PALS2: variants seen among roughly 807,000 people sequenced by gnomAD.
PALS2 encodes the protein protein associated with LIN7 2, MAGUK p55 family member, also known as protein PALS2.
A neutral mutation model predicts 61.6 loss-of-function variants in PALS2; 27 were observed. That is an observed-to-expected ratio of 0.44 (90% CI 0.32 to 0.60). PALS2 has a LOEUF of 0.60. Among genes scored for constraint, PALS2 ranks in the 20% least tolerant of loss-of-function variants. PALS2 has a pLI of 0.05. For missense variants in PALS2, 554 were observed against 639.4 expected, an observed-to-expected ratio of 0.87 and a Z score of 1.44; for synonymous variants, 236 against 218.6, an observed-to-expected ratio of 1.08 and a Z score of -0.70.
At chr7:24,612,024 A>G (rs1006412173) in intron 1 of PALS2, among the ~76,000 whole-genome samples, 7 of 152,030 alleles carry the variant, frequency 4.6e-5, no homozygotes, top group African/African-American at 1.7e-4. Context: ...TTTACGAGGT[A>G]GAATTTACTG....
intron 3 of PALS2, among the ~76,000 whole-genome samples, chr7:24,647,541 G>A (rs1785906128): frequency 6.6e-6 from 1 of 152,042 alleles, no homozygotes. Context: ...TCTAGCTTTT[G>A]GGTTGTAAAT....
chr7:24,687,249 T>A lies in PALS2; in HGVS notation c.1447-189T>A, dbSNP rs1788253248. Among the ~76,000 whole-genome samples the A allele has an allele frequency of 6.6e-6, 1 of 152,196 alleles. No individual in the cohort carries two copies. The highest frequency in any genetic ancestry group is 2.1e-4 in the South Asian group (1 of 4,828). The stretch of plus-strand genomic sequence containing the variant: ...TACTCATAAATGTAAACATGAGTGT[T>A]GTTGGAAAGAATAAGACATGAACAG... On this transcript the variant is annotated intron_variant, in intron 11 of 11. Transcript: ENST00000222644. The surrounding 1 kb of genome is among the most constrained non-coding windows in gnomAD (Gnocchi z 4.5).
intron 9 of PALS2, among the ~76,000 whole-genome samples, chr7:24,668,997 C>A (rs1428847144): frequency 6.6e-6 from 1 of 152,172 alleles, no homozygotes; most frequent in Non-Finnish European, 1.5e-5. Flanking sequence ...TTGGATTTTT[C>A]AGCCATTTTA....
chr7:24,616,100 G>A (rs1784284883), intron 1 of PALS2, among the ~76,000 whole-genome samples: 1 of 152,088 alleles, frequency 6.6e-6, no homozygotes, highest in Admixed American at 6.5e-5. Flanking sequence ...CCCATTGAAA[G>A]CTGAAAAGCT....
chr7:24,681,968 A>G (rs371606606), intron 11 of PALS2, among the ~76,000 whole-genome samples: 1 of 151,952 alleles, frequency 6.6e-6, no homozygotes, highest in East Asian at 1.9e-4. Flanking sequence ...TCAGTTCTGG[A>G]TTGGTTTTGA....
intron 9 of PALS2, among the ~76,000 whole-genome samples, chr7:24,672,764 A>AT (rs1787364840): frequency 6.6e-6 from 1 of 152,028 alleles, no homozygotes; most frequent in East Asian, 1.9e-4. Context: ...TTTTAGCCTT[A>AT]TTGACCTCAT....
At chr7:24,634,568 T>C (rs1785153927) in intron 2 of PALS2, among the ~76,000 whole-genome samples, 1 of 152,178 alleles carries the variant, frequency 6.6e-6, no homozygotes, top group Admixed American at 6.5e-5. Flanking sequence ...GTCCAAGTTG[T>C]CTTTTTGTCT....
At chr7:24,582,852 A>C (rs978120715) in intron 1 of PALS2, among the ~76,000 whole-genome samples, 2 of 150,424 alleles carry the variant, frequency 1.3e-5, no homozygotes, top group Non-Finnish European at 3.0e-5. Context: ...TTAATTTATT[A>C]AAGTTGCTTA....
At chr7:24,607,584 TATAC>T (rs70942814) in intron 1 of PALS2, among the ~76,000 whole-genome samples, 31,320 of 136,158 alleles carry the variant, frequency 0.23, 4,563 homozygotes, top group East Asian at 0.66. Flanking sequence ...TGTGTGTATA[TATAC>T]ATATATGTGT....
rs1258882005 is a variant in PALS2 at position 24,694,060 on chromosome 7, C to T, written c.*6446C>T. The T allele has an allele frequency of 6.6e-6, 1 of 151,558 alleles. No individual in the cohort carries two copies. The highest frequency in any genetic ancestry group is 2.4e-5 in the African/African-American group (1 of 41,246). 9.4% of individuals were successfully genotyped at this position (151,558 alleles called of 1,614,324 possible). A position where few individuals can be genotyped will look rare whatever the true frequency, so the allele number is the denominator to read the frequency against. The stretch of plus-strand genomic sequence containing the variant: ...AATCTGAAAATCAAAGCTGAACAAG[C>T]TGCTTAAAGTTTCTGATTAAGAAGT... On this transcript the variant is annotated 3_prime_UTR_variant, in exon 12 of 12. Coordinates refer to ENST00000222644, the MANE Select transcript of PALS2 (RefSeq NM_001303037.2).
intron 2 of PALS2, among the ~76,000 whole-genome samples, chr7:24,640,932 C>T (rs1277499002): frequency 5.2e-5 from 7 of 133,334 alleles, no homozygotes; most frequent in East Asian, 5.1e-4. Context: ...GGCGTGAACC[C>T]GGGAGGCGGA....
Position 24,692,818 on chromosome 7 carries a change from G to A in PALS2, c.*5204G>A, listed in dbSNP as rs1788535807. 6.6e-6 allele frequency: 1 copy of A among 152,072 alleles called. No homozygotes were observed. The highest frequency in any genetic ancestry group is 6.6e-5 in the Admixed American group (1 of 15,260). 9.4% of individuals were successfully genotyped at this position (152,072 alleles called of 1,614,324 possible). A position where few individuals can be genotyped will look rare whatever the true frequency, so the allele number is the denominator to read the frequency against. The stretch of plus-strand genomic sequence containing the variant: ...ACTGTCCTACTTTATCCTTATACCT[G>A]AAATCACTGCATACCTGAAATCACT... On this transcript the variant is annotated 3_prime_UTR_variant, in exon 12 of 12. Coordinates refer to ENST00000222644, the MANE Select transcript of PALS2 (RefSeq NM_001303037.2).
At chr7:24,656,076 A>C (rs1385953919) in intron 5 of PALS2, among the ~76,000 whole-genome samples, 2 of 152,210 alleles carry the variant, frequency 1.3e-5, no homozygotes, top group East Asian at 3.8e-4. Flanking sequence ...AGTGTCATGG[A>C]AAATCTCTTA....
rs1030185520 is a variant in PALS2 at position 24,618,140 on chromosome 7, G to C, written c.-2-5526G>C. 3.9e-5 allele frequency among the ~76,000 whole-genome samples: 6 copies of C among 152,160 alleles called. No individual in the cohort carries two copies. The highest frequency in any genetic ancestry group is 1.4e-4 in the African/African-American group (6 of 41,416). On this transcript the variant is annotated intron_variant, in intron 1 of 11. Transcript: ENST00000222644. The surrounding 1 kb of genome is among the most constrained non-coding windows in gnomAD (Gnocchi z 5.1). ...GCTGTTTTTCAGGCTCAGGACATGG[G>C]TGTGCAACTACCCGGCCACCATGGG...
rs1300409282 is a variant in PALS2 at position 24,693,383 on chromosome 7, G to A, written c.*5769G>A. 2 of 152,122 alleles carry A rather than the reference G, an allele frequency of 1.3e-5. No homozygotes were observed. Among genetic ancestry groups the A allele is most frequent in the Admixed American group, 1.3e-4 (2 of 15,268 alleles). 9.4% of individuals were successfully genotyped at this position (152,122 alleles called of 1,614,324 possible). A position where few individuals can be genotyped will look rare whatever the true frequency, so the allele number is the denominator to read the frequency against. ...TATCAAAGTAGCCTAGGAGCTTGGAGGAAGCCTAATTAACTAAAACAGGAA... is the reference window on the plus strand; with the variant it reads ...TATCAAAGTAGCCTAGGAGCTTGGAAGAAGCCTAATTAACTAAAACAGGAA... On this transcript the variant is annotated 3_prime_UTR_variant, in exon 12 of 12. Coordinates refer to ENST00000222644, the MANE Select transcript of PALS2 (RefSeq NM_001303037.2).
intron 1 of PALS2, among the ~76,000 whole-genome samples, chr7:24,600,006 T>C (rs903632927): frequency 1.3e-5 from 2 of 152,048 alleles, no homozygotes; most frequent in African/African-American, 4.8e-5. Flanking sequence ...AACAGTGCCT[T>C]CTTCTGGAAT....
rs550908106 is a variant in PALS2 at position 24,627,089 on chromosome 7, A to G, written c.117+3305A>G. Among the ~76,000 whole-genome samples, 3 of 152,338 alleles carry G rather than the reference A, an allele frequency of 2.0e-5. No homozygotes were observed. In the East Asian group the frequency reaches 5.8e-4, roughly 29 times the overall value. ...TACATTCCTCTCAGCGCCACATAGCACTTATTCTAAAATGGACCACATAAT... is the reference window on the plus strand; with the variant it reads ...TACATTCCTCTCAGCGCCACATAGCGCTTATTCTAAAATGGACCACATAAT... On this transcript the variant is annotated intron_variant, in intron 2 of 11. Coordinates refer to ENST00000222644, the MANE Select transcript of PALS2 (RefSeq NM_001303037.2).
intron 9 of PALS2, among the ~76,000 whole-genome samples, chr7:24,669,608 TC>T (rs1367926734): frequency 6.6e-6 from 1 of 152,200 alleles, no homozygotes; most frequent in Non-Finnish European, 1.5e-5. Context: ...TTGAGTCAAA[TC>T]CTAGGCTAAC....
rs769563046 is a variant in PALS2, at chr7:24,649,738, A to G, written c.397A>G (p.Ile133Val). The change falls in exon 4 of 12, where the codon ATT becomes GTT. Residue 133 changes from isoleucine to valine, a missense_variant. By Grantham distance (29) the Ile-to-Val change is conservative. Transcript: ENST00000222644. ...LPVDAIRILG[I>V]HKRAGEPLGV... ...AGTAGATGCCATTCGTATTCTTGGT[A>G]TTCACAAAAGAGCTGGGGAACCACT... 3.7e-6 allele frequency: 6 copies of G among 1,610,066 alleles called. No homozygotes were observed. In the Admixed American group the frequency reaches 5.0e-5, roughly 14 times the overall value.
Sources: allele counts gnomAD v4.1 joint callset (sites outside exome capture counted in the v4.1 genomes callset), GRCh38; gene constraint gnomAD v4.1.1; non-coding constraint Gnocchi (gnomAD v3.1); transcripts MANE v1.5; gene names NCBI Gene and HGNC (gene_info 2026-07-23, HGNC 2026-07-21).